The following RALGAPB variants were observed in gnomAD, a reference collection of about 807,000 sequenced individuals.
RALGAPB encodes the protein Ral GTPase activating protein non-catalytic subunit beta.
In RALGAPB, 25 loss-of-function variants were observed where a neutral mutation model predicts 161.1. The observed-to-expected ratio is 0.16, with a 90% CI of 0.11 to 0.22. The LOEUF is 0.22. RALGAPB is among the 10% of genes least tolerant of loss of function. The pLI, the probability that RALGAPB is intolerant of heterozygous loss-of-function variation, is 1.00. For missense variants in RALGAPB, 1,391 were observed against 1,815.2 expected (o/e 0.77, Z 4.25); for synonymous variants, 629 against 626.1 (o/e 1.00, Z -0.07).
intron 24 of RALGAPB, 115 bp downstream of exon 24, chr20:38,562,812 A>G (rs6070622): frequency 0.04 from 46,850 of 1,179,422 alleles, 4,634 homozygotes; most frequent in African/African-American, 0.36. Context: ...CAGGCTGGGT[A>G]CAGTGGCGCA....
intron 5 of RALGAPB, 125 bp from the exon 6 acceptor site, chr20:38,508,952 C>A: frequency 9.4e-7 from 1 of 1,066,654 alleles, no homozygotes; most frequent in Non-Finnish European, 1.3e-6. Context: ...TGAGGGTTTC[C>A]ATATGTCTTG....
intron 16 of RALGAPB, chr20:38,537,731 T>C (rs1293547407): frequency 6.6e-6 from 1 of 152,184 alleles, no homozygotes; most frequent in African/African-American, 2.4e-5. Context: ...ATAATAGCCT[T>C]TCCTTTTGGT....
chr20:38,489,554 A>G (rs2085215888), intron 2 of RALGAPB, among the ~76,000 whole-genome samples: 1 of 152,210 alleles, frequency 6.6e-6, no homozygotes, highest in South Asian at 2.1e-4. Flanking sequence ...GCTTGCTAGT[A>G]TAAATTCTGG....
chr20:38,570,992 A>T, intron 28 of RALGAPB, 145 bp downstream of exon 28: 1 of 613,142 alleles, frequency 1.6e-6, no homozygotes, highest in East Asian at 2.9e-5. Flanking sequence ...GTTTGTATAC[A>T]ATGTACAAGG....
At chr20:38,563,405 A>G (rs146053919) in intron 24 of RALGAPB, among the ~76,000 whole-genome samples, 1 of 152,370 alleles carries the variant, frequency 6.6e-6, no homozygotes, top group Non-Finnish European at 1.5e-5. Context: ...AGTCACACTT[A>G]AAGGTTATAT....
intron 16 of RALGAPB, among the ~76,000 whole-genome samples, chr20:38,536,730 G>A (rs757108491): frequency 4.6e-5 from 7 of 152,294 alleles, no homozygotes; most frequent in Non-Finnish European, 1.0e-4. Flanking sequence ...ATAACCAGGT[G>A]CTACTGTCTG....
intron 20 of RALGAPB, among the ~76,000 whole-genome samples, chr20:38,549,012 T>A (rs2145426355): frequency 6.6e-6 from 1 of 152,350 alleles, no homozygotes; most frequent in Non-Finnish European, 1.5e-5. Context: ...TTCAAAAAGC[T>A]TTCCAGGTGA....
chr20:38,568,248 C>CA (rs1426779042), intron 26 of RALGAPB, among the ~76,000 whole-genome samples: 2 of 139,518 alleles, frequency 1.4e-5, no homozygotes, highest in Non-Finnish European at 3.1e-5. Flanking sequence ...AGACTAAAAA[C>CA]AAAAAAACAA....
chr20:38,563,331 AT>A (rs966518925), intron 24 of RALGAPB, among the ~76,000 whole-genome samples: 39 of 152,250 alleles, frequency 2.6e-4, no homozygotes, highest in Non-Finnish European at 5.9e-5. Flanking sequence ...CCTAACAAGC[AT>A]GTTTTGTCTA....
chr20:38,577,695 T>TGAGA lies in RALGAPB; in HGVS notation c.*2728_*2729insGAGA, dbSNP rs1343286124. 2.5e-5 allele frequency: 2 copies of TGAGA among 81,128 alleles called. No individual in the cohort carries two copies. Among genetic ancestry groups the TGAGA allele is most frequent in the Non-Finnish European group, 4.9e-5 (2 of 40,892 alleles). 5.0% of individuals were successfully genotyped at this position (81,128 alleles called of 1,614,324 possible). A position where few individuals can be genotyped will look rare whatever the true frequency, so the allele number is the denominator to read the frequency against. ...TCCATTGGGCCTTTGAAAGGACTAATCAGACACACACACACACACACACAC... is the reference window on the plus strand; with the variant it reads ...TCCATTGGGCCTTTGAAAGGACTAATGAGACAGACACACACACACACACACACAC... On this transcript the variant is annotated 3_prime_UTR_variant, in exon 30 of 30. Coordinates refer to ENST00000262879, the MANE Select transcript of RALGAPB (RefSeq NM_020336.4).
intron 17 of RALGAPB, among the ~76,000 whole-genome samples, chr20:38,540,403 A>G (rs2086931046): frequency 6.6e-6 from 1 of 152,228 alleles, no homozygotes; most frequent in Admixed American, 6.5e-5. Flanking sequence ...GATGCAGATA[A>G]CTAGTCCATG....
At chr20:38,556,822 C>T (rs886601517) in intron 22 of RALGAPB, among the ~76,000 whole-genome samples, 5 of 151,972 alleles carry the variant, frequency 3.3e-5, no homozygotes, top group Admixed American at 2.0e-4. Flanking sequence ...ATGATTTCAA[C>T]GTAAAAACTG....
In RALGAPB at chr20:38,499,428, T is replaced by C; in HGVS notation, c.554-19T>C. On this transcript the variant is annotated intron_variant, in intron 4 of 29. Coordinates refer to ENST00000262879, the MANE Select transcript of RALGAPB (RefSeq NM_020336.4). ...TAAAAATAAGTTTGCCAAAGATGTG[T>C]TTTCTTTTTGTTGGTAAGGTGGCAT... 4 of 1,562,408 alleles carry C rather than the reference T, an allele frequency of 2.6e-6. No homozygotes were observed. Among genetic ancestry groups the C allele is most frequent in the Non-Finnish European group, 3.5e-6 (4 of 1,151,796 alleles).
chr20:38,546,352 A>C lies in RALGAPB; in HGVS notation c.2824A>C (p.Lys942Gln), dbSNP rs1360194950. 1 of 1,614,102 alleles carries C rather than the reference A, an allele frequency of 6.2e-7. No homozygotes were observed. The highest frequency in any genetic ancestry group is 1.1e-5 in the South Asian group (1 of 91,088). The change falls in exon 19 of 30, where the codon AAG (lysine) becomes CAG (glutamine). Residue 942 changes from lysine to glutamine, a missense_variant. Coordinates refer to ENST00000262879, the MANE Select transcript of RALGAPB (RefSeq NM_020336.4). ...IKYSRLPTIN[K>Q]HSFRYFVLDN... ...ATACTCCAGGCTGCCAACCATAAAC[A>C]AGCATAGTTTCCGGTACTTTGTCTT...
At chr20:38,526,987 G>C (rs2086490004) in intron 13 of RALGAPB, among the ~76,000 whole-genome samples, 1 of 152,138 alleles carries the variant, frequency 6.6e-6, no homozygotes, top group African/African-American at 2.4e-5. Context: ...AAGCTCTTAG[G>C]AAAGTAGGGC....
chr20:38,505,882 C>T (rs1302606099), intron 5 of RALGAPB, among the ~76,000 whole-genome samples: 2 of 152,122 alleles, frequency 1.3e-5, no homozygotes, highest in Non-Finnish European at 2.9e-5. Context: ...ACCCTTATCA[C>T]ACCCAAAAAA....
chr20:38,486,788 C>T (rs1309610355), intron 1 of RALGAPB, among the ~76,000 whole-genome samples: 2 of 152,150 alleles, frequency 1.3e-5, no homozygotes, highest in African/African-American at 4.8e-5. Context: ...TTGAATATAA[C>T]ATACAAAATT....
At chr20:38,543,906 G>C (rs2087063075) in intron 18 of RALGAPB, among the ~76,000 whole-genome samples, 1 of 152,164 alleles carries the variant, frequency 6.6e-6, no homozygotes. Flanking sequence ...ATTGTACCTG[G>C]TTACATGTGA....
intron 16 of RALGAPB, among the ~76,000 whole-genome samples, chr20:38,536,828 G>A (rs906053742): frequency 9.9e-5 from 15 of 152,164 alleles, no homozygotes; most frequent in African/African-American, 3.6e-4. Context: ...AACAAAATAA[G>A]CAATAAAACC....
Sources: allele counts gnomAD v4.1 joint callset (sites outside exome capture counted in the v4.1 genomes callset), GRCh38; gene constraint gnomAD v4.1.1; transcripts MANE v1.5; gene names NCBI Gene and HGNC (gene_info 2026-07-23, HGNC 2026-07-21).